SUMF1: variants seen among roughly 807,000 people sequenced by gnomAD.
SUMF1 encodes the protein sulfatase modifying factor 1.
A neutral mutation model predicts 47.6 loss-of-function variants in SUMF1; 48 were observed. The observed-to-expected ratio is 1.01, with a 90% CI of 0.80 to 1.28. The LOEUF (loss-of-function observed/expected upper bound fraction) is 1.28. Ranked by LOEUF, SUMF1 falls within the 50% of genes most tolerant of loss-of-function variation. The probability of loss-of-function intolerance (pLI) is 0.00; values close to 1 mark genes in which losing one functional copy is unlikely to be tolerated. For synonymous variants in SUMF1, 230 were observed against 192.1 expected (o/e 1.20, Z -1.63); for missense variants, 571 against 485.4 (o/e 1.18, Z -1.66).
At chr3:4,146,130 T>C (rs17040060) in intron 8 of SUMF1, among the ~76,000 whole-genome samples, 5,757 of 152,102 alleles carry the variant, frequency 0.038, 383 homozygotes, top group African/African-American at 0.13. Context: ...CACCTGAGAA[T>C]ATCATTACTG....
At chr3:4,264,932 T>C (rs981683895) in intron 8 of SUMF1, among the ~76,000 whole-genome samples, 1 of 152,034 alleles carries the variant, frequency 6.6e-6, no homozygotes, top group Non-Finnish European at 1.5e-5. Flanking sequence ...TCAGGAGATC[T>C]AGACCATCAT....
At position 4,193,601 on chromosome 3, in the gene SUMF1, T is replaced by G. The variant is rs745311138; in HGVS notation, c.1015-124856A>C. Among the ~76,000 whole-genome samples the G allele has an allele frequency of 3.3e-5, 5 of 152,166 alleles. No homozygotes were observed. In the East Asian group the frequency reaches 9.7e-4, roughly 29 times the overall value. Reference sequence around the variant, plus strand: ...ATTATGGTAATAAAAATAAAATAAATAAACAGCTATAGCCAGGAGGAGCAG... The same window carrying G: ...ATTATGGTAATAAAAATAAAATAAAGAAACAGCTATAGCCAGGAGGAGCAG... On this transcript the variant is annotated intron_variant and NMD_transcript_variant, in intron 8 of 12. Transcript: ENST00000448413.
intron 8 of SUMF1, among the ~76,000 whole-genome samples, chr3:4,200,493 C>A (rs370373627): frequency 6.6e-6 from 1 of 152,054 alleles, no homozygotes; most frequent in Non-Finnish European, 1.5e-5. Flanking sequence ...GGTTTTCCAG[C>A]CTTTGAACTA....
chr3:4,367,298 T>G (rs1176548037), intron 8 of SUMF1, among the ~76,000 whole-genome samples: 1 of 152,204 alleles, frequency 6.6e-6, no homozygotes, highest in African/African-American at 2.4e-5. Flanking sequence ...GCTATCTTTT[T>G]GTTTGTCTGT....
intron 8 of SUMF1, among the ~76,000 whole-genome samples, chr3:4,158,165 T>C (rs1694496453): frequency 6.6e-6 from 1 of 151,588 alleles, no homozygotes; most frequent in African/African-American, 2.4e-5. Context: ...GAACTTATTA[T>C]GGTCTAGATG....
At chr3:4,059,262 T>A (rs1288605989) in intron 9 of SUMF1, among the ~76,000 whole-genome samples, 2 of 152,196 alleles carry the variant, frequency 1.3e-5, no homozygotes, top group African/African-American at 4.8e-5. Context: ...TACAGTCAGA[T>A]GAGCATCTAA....
intron 8 of SUMF1, among the ~76,000 whole-genome samples, chr3:4,069,049 A>G (rs1351250162): frequency 6.6e-6 from 1 of 152,204 alleles, no homozygotes; most frequent in Non-Finnish European, 1.5e-5. Context: ...AGTTGATAGA[A>G]TCAGCAAGAC....
intron 7 of SUMF1, 54 bp from the exon 8 acceptor site, chr3:4,376,443 C>T (rs1397953897): frequency 1.3e-6 from 2 of 1,582,290 alleles, no homozygotes; most frequent in Admixed American, 1.7e-5. Flanking sequence ...CTGCCCCTTA[C>T]ACAGTGGGAG....
At chr3:4,110,491 G>T (rs1440608016) in intron 8 of SUMF1, among the ~76,000 whole-genome samples, 1 of 152,020 alleles carries the variant, frequency 6.6e-6, no homozygotes. Flanking sequence ...TCCCATTACT[G>T]GGTATATACC....
intron 8 of SUMF1, among the ~76,000 whole-genome samples, chr3:4,112,921 A>C (rs939781707): frequency 2.6e-5 from 4 of 152,138 alleles, no homozygotes; most frequent in African/African-American, 9.7e-5. Flanking sequence ...TGTCAATCAA[A>C]TACTGAATGC....
intron 8 of SUMF1, among the ~76,000 whole-genome samples, chr3:4,307,306 G>A (rs1698228074): frequency 6.6e-6 from 1 of 152,190 alleles, no homozygotes; most frequent in Non-Finnish European, 1.5e-5. Flanking sequence ...TGCTTCTTGA[G>A]CACCTGCTGT....
chr3:4,184,698 G>A (rs888124710), intron 8 of SUMF1, among the ~76,000 whole-genome samples: 16 of 149,630 alleles, frequency 1.1e-4, no homozygotes, highest in African/African-American at 3.5e-4. Flanking sequence ...GCCCAGGCTA[G>A]AGTATAGTGG....
At chr3:4,208,613 C>T (rs772879607) in intron 8 of SUMF1, among the ~76,000 whole-genome samples, 4 of 151,524 alleles carry the variant, frequency 2.6e-5, no homozygotes, top group Admixed American at 6.6e-5. Flanking sequence ...GAGTAACAAG[C>T]GGAGAGACGA....
intron 8 of SUMF1, among the ~76,000 whole-genome samples, chr3:4,259,338 T>C (rs879709939): frequency 3.3e-5 from 5 of 152,198 alleles, no homozygotes; most frequent in Non-Finnish European, 5.9e-5. Flanking sequence ...TCATGGCTAT[T>C]GCAATTTTAG....
At chr3:4,039,741 T>C (rs576606165) in intron 9 of SUMF1, among the ~76,000 whole-genome samples, 1 of 152,172 alleles carries the variant, frequency 6.6e-6, no homozygotes, top group South Asian at 2.1e-4. Flanking sequence ...TTTTGTATGG[T>C]CAGGTATGGT....
intron 8 of SUMF1, chr3:4,317,300 C>T (rs1698705902): frequency 8.0e-7 from 1 of 1,249,542 alleles, no homozygotes; most frequent in Non-Finnish European, 1.1e-6. Flanking sequence ...TCCAAAACCG[C>T]AGTTAGTTTT....
chr3:4,399,443 T>C (rs1431275070), intron 7 of SUMF1, among the ~76,000 whole-genome samples: 1 of 152,150 alleles, frequency 6.6e-6, no homozygotes, highest in East Asian at 1.9e-4. Context: ...TTTATGAACA[T>C]GGACTACTCT....
chr3:4,330,083 G>C (rs1699020103), intron 8 of SUMF1, among the ~76,000 whole-genome samples: 1 of 152,144 alleles, frequency 6.6e-6, no homozygotes, highest in Non-Finnish European at 1.5e-5. Context: ...ATCTCCATCT[G>C]AGACCACCTC....
intron 1 of SUMF1, among the ~76,000 whole-genome samples, chr3:4,460,270 G>A (rs919254863): frequency 6.6e-6 from 1 of 152,086 alleles, no homozygotes; most frequent in African/African-American, 2.4e-5. Flanking sequence ...GAAAGTTACT[G>A]GGTAAATGAG....
Sources: gnomAD v4.1 joint callset for allele counts (sites outside exome capture counted in the v4.1 genomes callset) on GRCh38, gnomAD v4.1.1 for gene constraint, MANE v1.5 for transcripts, NCBI Gene and HGNC (gene_info 2026-07-23, HGNC 2026-07-21) for gene names.